Variants in PTPRQ observed in about 807,000 individuals in gnomAD.
PTPRQ encodes protein tyrosine phosphatase receptor type Q.
PTPRQ carries 199 observed loss-of-function variants against 246.0 expected under a neutral mutation model. That is an observed-to-expected ratio of 0.81 (90% CI 0.72 to 0.91). PTPRQ has a LOEUF of 0.91. Ranked by LOEUF, PTPRQ falls within the 40% of genes least tolerant of loss-of-function variation. The probability of loss-of-function intolerance (pLI) is 0.00; values close to 1 mark genes in which losing one functional copy is unlikely to be tolerated. For synonymous variants in PTPRQ, 869 were observed against 853.2 expected (o/e 1.02, Z -0.32); for missense variants, 2,624 against 2,528.4 (o/e 1.04, Z -0.81).
At chr12:80,632,135 G>A (rs574421090) in intron 33 of PTPRQ, 57 bp from the exon 34 acceptor site, 92 of 1,510,104 alleles carry the variant, frequency 6.1e-5, no homozygotes, top group Non-Finnish European at 8.1e-5. Flanking sequence ...GGTAGTTTGG[G>A]ATTCAAAATA....
At chr12:80,558,106 CTTTCTTTTCTTTCTTTCTTTTCT>C (rs1211970793) in intron 25 of PTPRQ, among the ~76,000 whole-genome samples, 1 of 101,314 alleles carries the variant, frequency 9.9e-6, no homozygotes, top group Non-Finnish European at 2.1e-5. Flanking sequence ...CTCCTTTCTT[CTTTCTTTTCTTTCTTTCTTTTCT>C]TTTCTTTTCT....
At chr12:80,596,535 T>C (rs1897975798) in intron 26 of PTPRQ, among the ~76,000 whole-genome samples, 1 of 152,040 alleles carries the variant, frequency 6.6e-6, no homozygotes, top group South Asian at 2.1e-4. Flanking sequence ...AAACTTCAAA[T>C]GAATTCTCCT....
At chr12:80,663,888 G>A (rs1483585511) in intron 39 of PTPRQ, among the ~76,000 whole-genome samples, 1 of 151,732 alleles carries the variant, frequency 6.6e-6, no homozygotes, top group Non-Finnish European at 1.5e-5. Flanking sequence ...ACCCTGCTCT[G>A]CCCTACAGCT....
At chr12:80,547,025 G>A (rs2120860300) in intron 24 of PTPRQ, 1 of 188,486 alleles carries the variant, frequency 5.3e-6, no homozygotes, top group East Asian at 1.5e-4. Flanking sequence ...AGGGGGAAAT[G>A]AACTAGCAGT....
At chr12:80,503,484 A>G (rs2120686324) in intron 14 of PTPRQ, among the ~76,000 whole-genome samples, 1 of 151,986 alleles carries the variant, frequency 6.6e-6, no homozygotes, top group South Asian at 2.1e-4. Flanking sequence ...GGGACACTGT[A>G]TCTACATTTT....
chr12:80,649,745 G>T (rs1900196049), intron 37 of PTPRQ, 76 bp downstream of exon 37: 1 of 1,471,236 alleles, frequency 6.8e-7, no homozygotes, highest in African/African-American at 1.4e-5. Context: ...TCCATTTTAA[G>T]CAAGCAAGGC....
rs1279255923 is a variant in PTPRQ at position 80,542,351 on chromosome 12, C to T, written c.3708C>T (p.Tyr1236=). ...GTCCTTCCAGTATTCTTTTCTTTTA[C>T]ACAGATGAGTCAGGTAAGCCAGAAT... ...GLGPSSILFF[Y]TDESVPLAPP... The change falls in exon 22 of 45, where the codon TAC becomes TAT. Residue 1236 remains tyrosine, a synonymous_variant. Transcript: ENST00000644991. 5.8e-6 allele frequency: 9 copies of T among 1,538,512 alleles called. No homozygotes were observed. In the Admixed American group the frequency reaches 1.5e-4, roughly 26 times the overall value.
At chr12:80,470,625 A>C (rs922420031) in intron 7 of PTPRQ, among the ~76,000 whole-genome samples, 1 of 152,218 alleles carries the variant, frequency 6.6e-6, no homozygotes, top group African/African-American at 2.4e-5. Context: ...AGCTGCCTTC[A>C]ACAACAGAAG....
rs183201643 is a variant in PTPRQ, at chr12:80,620,016, G to A, written c.5390-138G>A. The A allele has an allele frequency of 7.4e-5, 82 of 1,108,602 alleles. 1 individual carries two copies. In the African/African-American group the frequency reaches 1.2e-3, roughly 16 times the overall value. 68.7% of individuals were successfully genotyped at this position (1,108,602 alleles called of 1,614,324 possible). A position where few individuals can be genotyped will look rare whatever the true frequency, so the allele number is the denominator to read the frequency against. On this transcript the variant is annotated intron_variant, in intron 31 of 44. Coordinates refer to ENST00000644991, the MANE Select transcript of PTPRQ (RefSeq NM_001145026.2). ...AGAACAGGGTTACCTGCCTATACAG[G>A]TGGATCACTTGAATTATCTCTGGTG...
intron 17 of PTPRQ, among the ~76,000 whole-genome samples, chr12:80,511,459 T>G (rs2120718566): frequency 6.6e-6 from 1 of 152,280 alleles, no homozygotes; most frequent in South Asian, 2.1e-4. Flanking sequence ...TTGAACAATA[T>G]TGATAGAATA....
chr12:80,536,686 C>T (rs1424456168), intron 19 of PTPRQ, among the ~76,000 whole-genome samples: 1 of 152,196 alleles, frequency 6.6e-6, no homozygotes, highest in Non-Finnish European at 1.5e-5. Flanking sequence ...CTCTATGTCA[C>T]GCAGTTTTTG....
chr12:80,554,691 T>A (rs1288451551), intron 25 of PTPRQ, among the ~76,000 whole-genome samples: 2 of 152,202 alleles, frequency 1.3e-5, no homozygotes, highest in Admixed American at 1.3e-4. Context: ...GCAAATATAT[T>A]AATGCTACAA....
At chr12:80,463,554 A>T (rs1893281705) in intron 6 of PTPRQ, among the ~76,000 whole-genome samples, 1 of 152,076 alleles carries the variant, frequency 6.6e-6, no homozygotes, top group African/African-American at 2.4e-5. Context: ...CAACTCTAAG[A>T]CACATAATTG....
intron 30 of PTPRQ, among the ~76,000 whole-genome samples, chr12:80,617,975 T>G (rs1032412084): frequency 6.6e-6 from 1 of 151,338 alleles, no homozygotes; most frequent in African/African-American, 2.4e-5. Context: ...CTTTTACAGG[T>G]GTCATACCTG....
intron 42 of PTPRQ, among the ~76,000 whole-genome samples, chr12:80,672,394 G>A (rs1226569904): frequency 7.9e-5 from 12 of 151,534 alleles, no homozygotes; most frequent in Non-Finnish European, 1.8e-4. Flanking sequence ...ACTTGCCAAT[G>A]TTTGAATGTT....
intron 26 of PTPRQ, among the ~76,000 whole-genome samples, chr12:80,589,582 G>A (rs79262777): frequency 0.068 from 10,420 of 152,160 alleles, 422 homozygotes; most frequent in East Asian, 0.14. Flanking sequence ...GATCTAGAGG[G>A]CTTTATTTTC....
intron 14 of PTPRQ, among the ~76,000 whole-genome samples, chr12:80,502,823 G>T (rs908792779): frequency 1.3e-5 from 2 of 151,804 alleles, no homozygotes; most frequent in Non-Finnish European, 2.9e-5. Flanking sequence ...AATGAGGTAC[G>T]GTGGGGTAAA....
intron 35 of PTPRQ, among the ~76,000 whole-genome samples, chr12:80,642,957 T>G (rs900255522): frequency 2.7e-5 from 4 of 145,956 alleles, no homozygotes; most frequent in African/African-American, 1.0e-4. Context: ...CAATTGAGTA[T>G]CTCTCAAGTG....
intron 26 of PTPRQ, among the ~76,000 whole-genome samples, chr12:80,597,022 A>G (rs1309804402): frequency 6.6e-6 from 1 of 152,006 alleles, no homozygotes; most frequent in African/African-American, 2.4e-5. Flanking sequence ...GGACTTGAGC[A>G]AAGCCTCAGG....
Sources: allele counts gnomAD v4.1 joint callset (sites outside exome capture counted in the v4.1 genomes callset), GRCh38; gene constraint gnomAD v4.1.1; transcripts MANE v1.5; gene names NCBI Gene and HGNC (gene_info 2026-07-23, HGNC 2026-07-21).